The following IKBKB variants were observed in gnomAD, a reference collection of about 807,000 sequenced individuals.
IKBKB encodes the protein inhibitor of nuclear factor kappa B kinase subunit beta.
Under a neutral mutation model 113.6 loss-of-function variants are expected in IKBKB, and 42 were observed. That is an observed-to-expected ratio of 0.37 (90% confidence interval 0.29 to 0.48). The LOEUF is 0.48. IKBKB is among the 20% of genes least tolerant of loss of function. The pLI is 0.99. For synonymous variants in IKBKB, 296 were observed against 361.3 expected (o/e 0.82, Z 2.05); for missense variants, 673 against 939.7 (o/e 0.72, Z 3.71).
In IKBKB at chr8:42,325,985, CCT is replaced by C; in HGVS notation, c.2003_2004del (p.Pro668ArgfsTer7). On this transcript the variant is annotated frameshift_variant, in exon 20 of 22. Transcript: ENST00000520810. LOFTEE classifies it high-confidence loss of function. ...LKIACSKVRGPVSGSPDSMNA... is the reference protein window; with the variant it reads ...LKIACSKVRGXVSGSPDSMNA... ...TGTCCCCTAGAGCAAGGTCCGTGGT[CCT>C]GTCAGTGGAAGCCCGGATAGCATGA... 6.2e-7 allele frequency: 1 copy of C among 1,614,204 alleles called. No homozygotes were observed. Among genetic ancestry groups the C allele is most frequent in the Non-Finnish European group, 8.5e-7 (1 of 1,180,036 alleles).
chr8:42,324,181 G>A (rs1170520368), intron 19 of IKBKB, among the ~76,000 whole-genome samples: 3 of 152,222 alleles, frequency 2.0e-5, no homozygotes, highest in Admixed American at 6.5e-5. Context: ...TTCTGAGTGG[G>A]GACAGGCTGG....
intron 18 of IKBKB, 51 bp downstream of exon 18, chr8:42,322,204 A>C: frequency 6.4e-7 from 1 of 1,563,512 alleles, no homozygotes; most frequent in Non-Finnish European, 8.8e-7. Flanking sequence ...AGATGCAGGT[A>C]TGAGGTCACC....
chr8:42,321,817 A>C (rs565312529), intron 16 of IKBKB, 79 bp from the exon 17 acceptor site: 1 of 1,037,064 alleles, frequency 9.6e-7, no homozygotes, highest in East Asian at 2.5e-5. Flanking sequence ...ACATGGTGAA[A>C]CTCTACCTCT....
chr8:42,293,344 G>A (rs1813047087), intron 4 of IKBKB, 99 bp from the exon 5 acceptor site: 13 of 1,475,300 alleles, frequency 8.8e-6, no homozygotes, highest in Non-Finnish European at 1.1e-5. Flanking sequence ...CCAGGGCCCA[G>A]GGTCAGCACT....
chr8:42,291,479 CCAA>C (rs1163056995), intron 4 of IKBKB, among the ~76,000 whole-genome samples: 1 of 152,174 alleles, frequency 6.6e-6, no homozygotes, highest in East Asian at 1.9e-4. Context: ...CTGCGCCCAG[CCAA>C]CAACAATTTT....
At chr8:42,303,086 A>AAT (rs1815656353) in intron 5 of IKBKB, among the ~76,000 whole-genome samples, 10 of 140,204 alleles carry the variant, frequency 7.1e-5, no homozygotes, top group African/African-American at 2.1e-4. Context: ...AGAGAGAGAG[A>AAT]GAGAATGAGA....
At chr8:42,288,881 A>G (rs1208003681) in intron 3 of IKBKB, among the ~76,000 whole-genome samples, 153 bp downstream of exon 3, 1 of 152,210 alleles carries the variant, frequency 6.6e-6, no homozygotes, top group Non-Finnish European at 1.5e-5. Flanking sequence ...CAGGAGACTG[A>G]GACCATCCTG....
chr8:42,325,009 G>A (rs1438749430), intron 19 of IKBKB: 1 of 153,136 alleles, frequency 6.5e-6, no homozygotes, highest in Non-Finnish European at 1.5e-5. Context: ...AGGATGTGGA[G>A]CCAGGATGGT....
chr8:42,319,159 A>ACT, intron 13 of IKBKB, 111 bp from the exon 14 acceptor site: 2 of 951,380 alleles, frequency 2.1e-6, no homozygotes, highest in Non-Finnish European at 3.2e-6. Flanking sequence ...TGATGATGAT[A>ACT]ATAATTATAG....
At position 42,318,576 on chromosome 8, in the gene IKBKB, C is replaced by T; in HGVS notation, c.1265C>T (p.Ala422Val). Reference protein sequence around the residue: ...CILQEPKRNLAFFQLRKVWGQ... With the variant: ...CILQEPKRNLVFFQLRKVWGQ... ...GTTCAAGAGCCCAAGAGGAATCTCG[C>T]CTTCTTCCAGCTGAGGAAGGTGTGG... Residue 422 changes from alanine to valine, a missense_variant, in exon 13 of 22, where the codon GCC becomes GTC. Physicochemically the swap from Ala to Val is moderately conservative, Grantham distance 64. Coordinates refer to ENST00000520810, the MANE Select transcript of IKBKB (RefSeq NM_001556.3). The T allele has an allele frequency of 6.2e-7, 1 of 1,614,000 alleles. No individual in the cohort carries two copies. Among genetic ancestry groups the T allele is most frequent in the Non-Finnish European group, 8.5e-7 (1 of 1,179,846 alleles).
chr8:42,275,793 A>G (rs1396907590), intron 2 of IKBKB, among the ~76,000 whole-genome samples: 3 of 152,090 alleles, frequency 2.0e-5, no homozygotes. Flanking sequence ...TTTCCTTTGG[A>G]TAGATACCCA....
In IKBKB at chr8:42,293,546, T is replaced by C. The variant is rs759961021; in HGVS notation, c.388+34T>C. The C allele has an allele frequency of 1.9e-6, 3 of 1,614,066 alleles. No homozygotes were observed. In the South Asian group the frequency reaches 3.3e-5, roughly 18 times the overall value. On this transcript the variant is annotated intron_variant, in intron 5 of 21. Coordinates refer to ENST00000520810, the MANE Select transcript of IKBKB (RefSeq NM_001556.3). Reference sequence around the variant, plus strand: ...CAGTCCCGGAATTCAGGCCGTGTCCTTCAGGGAGAGTGTGGTGCCCCTGTG... The same window carrying C: ...CAGTCCCGGAATTCAGGCCGTGTCCCTCAGGGAGAGTGTGGTGCCCCTGTG...
At chr8:42,303,060 G>GGA (rs34921450) in intron 5 of IKBKB, among the ~76,000 whole-genome samples, 7,338 of 114,022 alleles carry the variant, frequency 0.064, 354 homozygotes, top group Non-Finnish European at 0.094. Flanking sequence ...TTGCCGAGAG[G>GGA]GAGAGAGAGA....
chr8:42,275,512 C>T (rs1050701406), intron 2 of IKBKB, among the ~76,000 whole-genome samples: 4 of 152,134 alleles, frequency 2.6e-5, no homozygotes, highest in African/African-American at 9.7e-5. Flanking sequence ...TTATTAGCTC[C>T]CACGGATGAG....
intron 2 of IKBKB, among the ~76,000 whole-genome samples, chr8:42,287,020 GAGCTGCTGCCTTGGGC>G (rs1225105905): frequency 6.6e-6 from 1 of 152,208 alleles, no homozygotes; most frequent in Non-Finnish European, 1.5e-5. Flanking sequence ...GGGGCTCCGG[GAGCTGCTGCCTTGGGC>G]AGCTGCTGCC....
chr8:42,288,172 A>G (rs1811807786), intron 2 of IKBKB, among the ~76,000 whole-genome samples: 2 of 151,984 alleles, frequency 1.3e-5, no homozygotes, highest in South Asian at 4.2e-4. Context: ...AGATCACTTG[A>G]GGTCAGGAAT....
intron 5 of IKBKB, among the ~76,000 whole-genome samples, chr8:42,296,555 A>G (rs1326377393): frequency 2.0e-5 from 3 of 152,156 alleles, no homozygotes; most frequent in Non-Finnish European, 4.4e-5. Flanking sequence ...GGGCTGAGGC[A>G]GGAGAATCAC....
intron 19 of IKBKB, 46 bp downstream of exon 19, chr8:42,322,540 G>T (rs199795643): frequency 1.4e-5 from 22 of 1,604,634 alleles, no homozygotes; most frequent in Non-Finnish European, 1.6e-5. Flanking sequence ...GCAGCCTCCT[G>T]TGCCTTTCCA....
chr8:42,316,938 A>T lies in IKBKB; in HGVS notation c.1125+34A>T, dbSNP rs759576928. ...TGGCTTCGTACACACCATCCTGTTTACCTTGGCTGTGCCTCCTGGGAAACT... is the reference window on the plus strand; with the variant it reads ...TGGCTTCGTACACACCATCCTGTTTTCCTTGGCTGTGCCTCCTGGGAAACT... On this transcript the variant is annotated intron_variant, in intron 11 of 21. Transcript: ENST00000520810. This position sits in a 1 kb window ranked among gnomAD's most constrained non-coding sequence, Gnocchi z 4.5. 1 of 1,594,780 alleles carries T rather than the reference A, an allele frequency of 6.3e-7. No individual in the cohort carries two copies. Among genetic ancestry groups the T allele is most frequent in the Admixed American group, 1.7e-5 (1 of 59,438 alleles).
Sources: allele counts gnomAD v4.1 joint callset (sites outside exome capture counted in the v4.1 genomes callset), GRCh38; gene constraint gnomAD v4.1.1; non-coding constraint Gnocchi (gnomAD v3.1); transcripts MANE v1.5; gene names NCBI Gene and HGNC (gene_info 2026-07-23, HGNC 2026-07-21).